The following PID1 variants were observed in gnomAD, a reference collection of about 807,000 sequenced individuals.
PID1 encodes PTB-containing, cubilin and LRP1-interacting protein.
In PID1, 10 loss-of-function variants were observed where a neutral mutation model predicts 19.1. The ratio of observed to expected loss-of-function variants is 0.52; its 90% confidence interval spans 0.32 to 0.89. PID1 has a LOEUF of 0.89. PID1 is among the 40% of genes least tolerant of loss of function. The pLI, the probability that PID1 is intolerant of heterozygous loss-of-function variation, is 0.03. For synonymous variants in PID1, 130 were observed against 116.0 expected, an observed-to-expected ratio of 1.12 and a Z score of -0.78; for missense variants, 248 against 285.3, an observed-to-expected ratio of 0.87 and a Z score of 0.94.
chr2:229,188,607 C>T (rs766849400), intron 1 of PID1, among the ~76,000 whole-genome samples: 2 of 151,814 alleles, frequency 1.3e-5, no homozygotes, highest in Admixed American at 1.3e-4. Context: ...GGCATGGTGG[C>T]GGGTGCCTGT....
intron 2 of PID1, among the ~76,000 whole-genome samples, chr2:229,128,288 T>C (rs1469718726): frequency 6.6e-6 from 1 of 152,214 alleles, no homozygotes; most frequent in Non-Finnish European, 1.5e-5. Flanking sequence ...GCTTTAAACT[T>C]CCTCTAAAAA....
intron 2 of PID1, among the ~76,000 whole-genome samples, chr2:229,096,237 A>G (rs1438037244): frequency 6.6e-6 from 1 of 152,158 alleles, no homozygotes; most frequent in Non-Finnish European, 1.5e-5. Flanking sequence ...TTGGAAAAAA[A>G]TGTGATTAAT....
At chr2:229,195,384 T>C (rs1691353976) in intron 1 of PID1, among the ~76,000 whole-genome samples, 1 of 151,652 alleles carries the variant, frequency 6.6e-6, no homozygotes, top group East Asian at 1.9e-4. Flanking sequence ...TAAACACACA[T>C]GTATATACAT....
At chr2:229,125,513 G>A (rs532738556) in intron 2 of PID1, among the ~76,000 whole-genome samples, 29 of 151,786 alleles carry the variant, frequency 1.9e-4, no homozygotes, top group African/African-American at 6.8e-4. Flanking sequence ...ATCCAATTTG[G>A]TCAGACCATG....
At chr2:229,132,078 G>A (rs1689754129) in intron 2 of PID1, among the ~76,000 whole-genome samples, 1 of 152,024 alleles carries the variant, frequency 6.6e-6, no homozygotes, top group Non-Finnish European at 1.5e-5. Context: ...GATGGCACGT[G>A]GTAGAACCAT....
At chr2:229,214,964 C>A (rs905686051) in intron 1 of PID1, among the ~76,000 whole-genome samples, 2 of 152,240 alleles carry the variant, frequency 1.3e-5, no homozygotes, top group East Asian at 3.9e-4. Context: ...TCCCTAACAG[C>A]ATATCCCCCC....
rs12069731 is a variant in PID1 at position 229,077,214 on chromosome 2, C to T, written c.178-51106G>A. On this transcript the variant is annotated intron_variant, in intron 2 of 2. Transcript: ENST00000392055. The stretch of plus-strand genomic sequence containing the variant: ...TTGAAAAGTGTCTGTTCATATCCTT[C>T]GCCAACTTTTTGATGGGGTTGTTTG... 5.3e-5 allele frequency among the ~76,000 whole-genome samples: 8 copies of T among 152,216 alleles called. No homozygotes were observed. The South Asian group carries it at 6.2e-4, about 12-fold the overall frequency.
intron 1 of PID1, among the ~76,000 whole-genome samples, chr2:229,243,887 A>G (rs940231017): frequency 1.3e-5 from 2 of 152,112 alleles, no homozygotes; most frequent in Non-Finnish European, 2.9e-5. Flanking sequence ...CCTAGCTCAT[A>G]CATTTTTGTT....
chr2:229,176,950 T>C (rs1285221393), intron 1 of PID1, among the ~76,000 whole-genome samples: 1 of 152,190 alleles, frequency 6.6e-6, no homozygotes, highest in African/African-American at 2.4e-5. Context: ...TACCCAAGAC[T>C]GGGCAATTTA....
intron 2 of PID1, among the ~76,000 whole-genome samples, chr2:229,036,033 C>G (rs1342899831): frequency 6.6e-6 from 1 of 152,198 alleles, no homozygotes; most frequent in Non-Finnish European, 1.5e-5. Context: ...GCAAACCATT[C>G]CCACTTCAAA....
At chr2:229,184,264 ATG>A (rs1242277897) in intron 1 of PID1, among the ~76,000 whole-genome samples, 22 of 1,024 alleles carry the variant, frequency 0.021, 10 homozygotes, top group Admixed American at 0.071. Context: ...TATATCCCAT[ATG>A]TATATATCCC....
In PID1 at chr2:229,152,582, G is replaced by A. The variant is rs73998578; in HGVS notation, c.177+3236C>T. ...TTGCTGCAGCAAAATCACACACAGC[G>A]TCTGATACTCCAAACAGCTCCAACA... is the stretch of plus-strand genomic sequence containing the variant. On this transcript the variant is annotated intron_variant, in intron 2 of 2. Transcript: ENST00000392055. Among the ~76,000 whole-genome samples, 336 of 151,544 alleles carry A rather than the reference G, an allele frequency of 2.2e-3. 4 individuals carry two copies. The highest frequency in any genetic ancestry group is 7.6e-3 in the African/African-American group (315 of 41,284).
At chr2:229,246,027 C>A (rs879404488) in intron 1 of PID1, among the ~76,000 whole-genome samples, 3 of 152,050 alleles carry the variant, frequency 2.0e-5, no homozygotes, top group Non-Finnish European at 4.4e-5. Context: ...TAAACCTGAA[C>A]AAATAAGAGT....
chr2:229,184,982 A>C (rs1312000535), intron 1 of PID1, among the ~76,000 whole-genome samples: 2 of 25,488 alleles, frequency 7.8e-5, no homozygotes, highest in Non-Finnish European at 1.4e-4. Flanking sequence ...CTATATATAT[A>C]CTATATATAT....
intron 1 of PID1, among the ~76,000 whole-genome samples, chr2:229,208,966 C>G (rs1306295355): frequency 6.6e-6 from 1 of 151,948 alleles, no homozygotes; most frequent in Non-Finnish European, 1.5e-5. Context: ...TGGGGGGTGA[C>G]AGGAAGTGGC....
chr2:229,186,612 T>C (rs996921124), intron 1 of PID1, among the ~76,000 whole-genome samples: 2 of 152,176 alleles, frequency 1.3e-5, no homozygotes, highest in Non-Finnish European at 1.5e-5. Flanking sequence ...GTCCCTAGGC[T>C]GCATACAGCA....
chr2:229,051,500 G>A (rs1455815152), intron 2 of PID1, among the ~76,000 whole-genome samples: 1 of 151,974 alleles, frequency 6.6e-6, no homozygotes, highest in African/African-American at 2.4e-5. Context: ...ACCACCCCTG[G>A]CTAATTTTTG....
At chr2:229,219,812 T>G (rs1194038236) in intron 1 of PID1, among the ~76,000 whole-genome samples, 1 of 151,694 alleles carries the variant, frequency 6.6e-6, no homozygotes, top group Admixed American at 6.6e-5. Flanking sequence ...TGAGCCACTG[T>G]GCCTGGCCAA....
At chr2:229,162,734 G>A (rs1559263939) in intron 1 of PID1, among the ~76,000 whole-genome samples, 3 of 152,142 alleles carry the variant, frequency 2.0e-5, no homozygotes, top group Non-Finnish European at 2.9e-5. Flanking sequence ...TTGGGGATTC[G>A]AAAGGATTAA....
Sources: allele counts gnomAD v4.1 joint callset (sites outside exome capture counted in the v4.1 genomes callset), GRCh38; gene constraint gnomAD v4.1.1; transcripts MANE v1.5; gene names NCBI Gene and HGNC (gene_info 2026-07-23, HGNC 2026-07-21).